The following MCF2L variants were observed in gnomAD, a reference collection of about 807,000 sequenced individuals.
MCF2L encodes MCF.2 cell line derived transforming sequence like, also known as guanine nucleotide exchange factor DBS.
A neutral mutation model predicts 153.4 loss-of-function variants in MCF2L; 97 were observed. The observed-to-expected ratio is 0.63, with a 90% CI of 0.54 to 0.75. The LOEUF (loss-of-function observed/expected upper bound fraction) is 0.75, where lower values mean the gene tolerates loss of function less well. MCF2L is among the 30% of genes least tolerant of loss of function. MCF2L has a pLI of 0.00. For missense variants in MCF2L, 1,347 were observed against 1,495.2 expected (o/e 0.90, Z 1.64); for synonymous variants, 659 against 632.2 (o/e 1.04, Z -0.64).
chr13:113,014,883 G>A, intron 2 of MCF2L, 37 bp downstream of exon 2: 1 of 1,599,400 alleles, frequency 6.3e-7, no homozygotes. Context: ...GGAGAGGGAG[G>A]GGTCTGGGGC....
At chr13:113,007,433 G>T (rs1032414406) in intron 1 of MCF2L, among the ~76,000 whole-genome samples, 2 of 152,216 alleles carry the variant, frequency 1.3e-5, no homozygotes, top group African/African-American at 2.4e-5. Flanking sequence ...AGACCCCTGC[G>T]TTGTGGTTCT....
chr13:112,922,384 T>G (rs750722650), intron 2 of MCF2L, among the ~76,000 whole-genome samples: 11 of 152,222 alleles, frequency 7.2e-5, no homozygotes, highest in Non-Finnish European at 1.3e-4. Flanking sequence ...GTTTTCTTTT[T>G]CTGTCCTTTA....
chr13:113,045,553 G>C lies in MCF2L; in HGVS notation c.369+192G>C. On this transcript the variant is annotated intron_variant, in intron 4 of 29. Transcript: ENST00000535094. The surrounding 1 kb of genome is among the most constrained non-coding windows in gnomAD (Gnocchi z 4.2). ...CCAAGGCACTGGTGCCTGGGTGTGA[G>C]TTTTCCCAGATGAAGGAACTCTTAG... 1.7e-6 allele frequency: 1 copy of C among 597,136 alleles called. No individual in the cohort carries two copies. The highest frequency in any genetic ancestry group is 3.0e-6 in the Non-Finnish European group (1 of 333,776). The allele number at this position is 597,136 out of a possible 1,614,324, so 37.0% of individuals were successfully genotyped here. A position where few individuals can be genotyped will look rare whatever the true frequency, so the allele number is the denominator to read the frequency against.
chr13:113,096,174 G>A, intron 27 of MCF2L, 197 bp from the exon 28 acceptor site: 1 of 599,018 alleles, frequency 1.7e-6, no homozygotes, highest in Admixed American at 3.0e-5. Context: ...ATTCACAGAC[G>A]CCTTCCATCG....
chr13:113,083,480 CCCCACA>C (rs2034344320), intron 17 of MCF2L, among the ~76,000 whole-genome samples: 3 of 152,232 alleles, frequency 2.0e-5, no homozygotes, highest in African/African-American at 7.2e-5. Context: ...ACGCAGGGGT[CCCCACA>C]GCTTTCAGCT....
At chr13:113,023,499 C>T (rs1393049515) in intron 2 of MCF2L, among the ~76,000 whole-genome samples, 2 of 152,104 alleles carry the variant, frequency 1.3e-5, no homozygotes, top group Non-Finnish European at 1.5e-5. Flanking sequence ...GGGCGCAAGG[C>T]GGCGGGGGAC....
intron 3 of MCF2L, chr13:113,044,820 C>T: frequency 6.2e-7 from 1 of 1,612,942 alleles, no homozygotes; most frequent in Non-Finnish European, 8.5e-7. Context: ...AGCACCGTAG[C>T]CATGCCACCA....
intron 2 of MCF2L, among the ~76,000 whole-genome samples, chr13:112,905,198 C>G (rs1040732802): frequency 6.6e-6 from 1 of 152,212 alleles, no homozygotes; most frequent in South Asian, 2.1e-4. Context: ...CTTCTGGTCG[C>G]TGCAAGAGCA....
intron 15 of MCF2L, among the ~76,000 whole-genome samples, chr13:113,079,886 G>A: frequency 1.3e-5 from 2 of 151,748 alleles, no homozygotes; most frequent in African/African-American, 4.8e-5. Flanking sequence ...TCCGCACAGA[G>A]GAGGGTCCAG....
In MCF2L at chr13:113,024,736, A is replaced by G. The variant is rs2085116556; in HGVS notation, c.256A>G (p.Thr86Ala). ...IPDKEFQNVM[T>A]YLTSIPSLQD... is the part of the protein sequence containing the mutation. ...GGACAAGGAGTTCCAGAATGTCATG[A>G]CCTACCTCACCAGCATCCCCAGGTA... Residue 86 changes from threonine (T) to alanine (A), a missense_variant, in exon 3 of 30, where the codon ACC (threonine) becomes GCC (alanine). By Grantham distance (58) the Thr-to-Ala change is moderately conservative. Around this residue, in one of 3 missense-constraint regions of MCF2L, gnomAD observed 820 missense variants for 921.2 expected, o/e 0.89. Coordinates refer to ENST00000535094, the MANE Select transcript of MCF2L (RefSeq NM_001112732.3). 6.2e-7 allele frequency: 1 copy of G among 1,613,924 alleles called. No homozygotes were observed. The highest frequency in any genetic ancestry group is 1.7e-5 in the Admixed American group (1 of 60,006).
chr13:112,959,050 C>T (rs2081793422), intron 2 of MCF2L, among the ~76,000 whole-genome samples: 1 of 152,220 alleles, frequency 6.6e-6, no homozygotes, highest in Non-Finnish European at 1.5e-5. Context: ...ATGAGCGTCG[C>T]ATCCCAAATG....
At chr13:113,083,195 C>T (rs992553216) in intron 17 of MCF2L, among the ~76,000 whole-genome samples, 3 of 152,140 alleles carry the variant, frequency 2.0e-5, no homozygotes, top group South Asian at 2.1e-4. Flanking sequence ...GGACAGCCCC[C>T]GCTGCGTGTC....
At chr13:113,092,148 G>A (rs1001350047) in intron 26 of MCF2L, among the ~76,000 whole-genome samples, 7 of 152,250 alleles carry the variant, frequency 4.6e-5, no homozygotes, top group Admixed American at 6.5e-5. Context: ...AACCCTCTCC[G>A]CTTGTGAACT....
At chr13:112,902,167 C>G in intron 1 of MCF2L, 2 of 1,581,532 alleles carry the variant, frequency 1.3e-6, no homozygotes, top group Non-Finnish European at 1.7e-6. Context: ...GCAGCATGAC[C>G]TCATCGTGCT....
intron 1 of MCF2L, among the ~76,000 whole-genome samples, chr13:113,004,037 C>T (rs1446878464): frequency 2.6e-5 from 4 of 152,182 alleles, no homozygotes; most frequent in Non-Finnish European, 4.4e-5. Context: ...TTTGTTATGA[C>T]GACTGTTCTC....
chr13:113,044,589 C>T, intron 3 of MCF2L: 1 of 1,547,528 alleles, frequency 6.5e-7, no homozygotes, highest in Non-Finnish European at 8.7e-7. Flanking sequence ...TGGCATCACG[C>T]AATTGGCTTG....
rs150925091 is a variant in MCF2L, at chr13:113,064,988, C to T, written c.659C>T (p.Ser220Phe). Residue 220 changes from serine (S) to phenylalanine (F), a missense_variant, in exon 7 of 30, where the codon TCC becomes TTC. By Grantham distance (155) the Ser-to-Phe change is radical. Transcript: ENST00000535094. This position sits in a 1 kb window ranked among gnomAD's most constrained non-coding sequence, Gnocchi z 6.0. Reference protein sequence around the residue: ...MVKQTAQMLQSFGTELAETEL... With the variant: ...MVKQTAQMLQFFGTELAETEL... ...AAGCAGACGGCTCAGATGCTGCAGTCCTTCGGGACCGAGCTGGCTGAAACA... is the reference window on the plus strand; with the variant it reads ...AAGCAGACGGCTCAGATGCTGCAGTTCTTCGGGACCGAGCTGGCTGAAACA... 1 of 1,613,154 alleles carries T rather than the reference C, an allele frequency of 6.2e-7. No individual in the cohort carries two copies. Among genetic ancestry groups the T allele is most frequent in the Non-Finnish European group, 8.5e-7 (1 of 1,180,006 alleles).
At chr13:112,973,107 T>G (rs1200920839) in intron 1 of MCF2L, among the ~76,000 whole-genome samples, 1 of 152,040 alleles carries the variant, frequency 6.6e-6, no homozygotes. Flanking sequence ...GAGCTCTCAG[T>G]GGAGTAGGTG....
At chr13:112,895,296 C>G (rs866601381) in intron 1 of MCF2L, among the ~76,000 whole-genome samples, 1 of 152,232 alleles carries the variant, frequency 6.6e-6, no homozygotes. Flanking sequence ...GCCGGGACCC[C>G]GAAGGGGTTA....
Sources: gnomAD v4.1 joint callset for allele counts (sites outside exome capture counted in the v4.1 genomes callset) on GRCh38, gnomAD v4.1.1 for gene constraint, gnomAD v4.1.1 regional missense constraint, Gnocchi (gnomAD v3.1) non-coding constraint, MANE v1.5 for transcripts, NCBI Gene and HGNC (gene_info 2026-07-23, HGNC 2026-07-21) for gene names.